The following ZPLD1 variants were observed in gnomAD, a reference collection of about 807,000 sequenced individuals.
The protein encoded by ZPLD1 is zona pellucida-like domain-containing protein 1.
In ZPLD1, 34 loss-of-function variants were observed where a neutral mutation model predicts 47.2. That is an observed-to-expected ratio of 0.72 (90% CI 0.55 to 0.96). The LOEUF is 0.96. Ranked by LOEUF, ZPLD1 falls within the 40% of genes least tolerant of loss-of-function variation. The pLI, the probability that ZPLD1 is intolerant of heterozygous loss-of-function variation, is 0.00. For missense variants in ZPLD1, 512 were observed against 505.8 expected (o/e 1.01, Z -0.12); for synonymous variants, 176 against 186.2 (o/e 0.95, Z 0.45).
At chr3:102,390,900 T>C (rs1706487510) in intron 6 of ZPLD1, among the ~76,000 whole-genome samples, 1 of 151,996 alleles carries the variant, frequency 6.6e-6, no homozygotes, top group Non-Finnish European at 1.5e-5. Flanking sequence ...CCTCAAATAA[T>C]TAGCATGTAA....
intron 3 of ZPLD1, among the ~76,000 whole-genome samples, chr3:102,452,699 G>A (rs1304389358): frequency 6.6e-6 from 1 of 152,136 alleles, no homozygotes; most frequent in African/African-American, 2.4e-5. Flanking sequence ...GAGGTGAACT[G>A]TAATCTCTAC....
At position 102,447,958 on chromosome 3, in the gene ZPLD1, A is replaced by G. The variant is rs144491784; in HGVS notation, c.107-4961A>G. 7.2e-5 allele frequency among the ~76,000 whole-genome samples: 11 copies of G among 152,280 alleles called. No homozygotes were observed. The East Asian group carries it at 1.9e-3, about 27-fold the overall frequency. ...ATTTATATAGTAACCACATTCTATG[A>G]ACCTCAAATCAGGACACATTTTATA... On this transcript the variant is annotated intron_variant, in intron 3 of 11. Transcript: ENST00000466937.
chr3:102,470,522 T>C lies in ZPLD1; in HGVS notation c.1042+20T>C. 6.2e-7 allele frequency: 1 copy of C among 1,601,894 alleles called. No homozygotes were observed. The highest frequency in any genetic ancestry group is 1.7e-4 in the Middle Eastern group (1 of 6,048). On this transcript the variant is annotated intron_variant, in intron 10 of 11. Transcript: ENST00000466937. The stretch of plus-strand genomic sequence containing the variant: ...GGAGTGGTAAGTGTGCTCCTCCTTC[T>C]GTATGTAGTAATAGACGGTTCCAAA...
chr3:102,398,872 GCGCA>G (rs1706586961), intron 7 of ZPLD1, among the ~76,000 whole-genome samples: 1 of 145,682 alleles, frequency 6.9e-6, no homozygotes, highest in Non-Finnish European at 1.5e-5. Flanking sequence ...TTTTATGCGT[GCGCA>G]CGCACACACA....
chr3:102,386,335 T>C lies in ZPLD1; in HGVS notation c.-213+1018T>C, dbSNP rs143787019. On this transcript the variant is annotated intron_variant, in intron 6 of 17. Transcript: ENST00000491959. ...TACAGGTGGCTCTGTTGTGTAGCCA[T>C]GTTTGAGAACTTTTCCTCCAGGAAT... 4.5e-3 allele frequency among the ~76,000 whole-genome samples: 684 copies of C among 151,368 alleles called. 6 individuals carry two copies. Among genetic ancestry groups the C allele is most frequent in the African/African-American group, 0.015 (609 of 41,282 alleles).
intron 3 of ZPLD1, among the ~76,000 whole-genome samples, chr3:102,445,264 C>A (rs1490155673): frequency 6.6e-6 from 1 of 152,134 alleles, no homozygotes; most frequent in African/African-American, 2.4e-5. Flanking sequence ...TTAGCCTTAC[C>A]GAGCATTTTA....
chr3:102,388,457 G>C (rs5027513), intron 6 of ZPLD1, among the ~76,000 whole-genome samples: 24,563 of 102,192 alleles, frequency 0.24, 2,367 homozygotes, highest in Middle Eastern at 0.33. Context: ...CTCTCTGTCT[G>C]TGTGTGTGTG....
chr3:102,459,244 C>T (rs569519057), intron 6 of ZPLD1, among the ~76,000 whole-genome samples: 3 of 151,834 alleles, frequency 2.0e-5, no homozygotes, highest in African/African-American at 7.2e-5. Context: ...TGGAAAATTC[C>T]CGTCTGTTAA....
intron 5 of ZPLD1, among the ~76,000 whole-genome samples, 171 bp downstream of exon 5, chr3:102,456,545 ATATCTATCTATCTATCTATCTATCTATC>A (rs3077584): frequency 6.8e-6 from 1 of 147,144 alleles, no homozygotes; most frequent in African/African-American, 2.5e-5. Context: ...TTTATCTATT[ATATCTATCTATCTATCTATCTATCTATC>A]TATCTATCTA....
intron 6 of ZPLD1, among the ~76,000 whole-genome samples, chr3:102,460,887 G>A (rs994093672): frequency 6.6e-6 from 1 of 151,864 alleles, no homozygotes; most frequent in African/African-American, 2.4e-5. Context: ...ATGAAGTGTA[G>A]ATTATTTGGA....
At chr3:102,471,113 T>TCAC (rs1707678412) in intron 10 of ZPLD1, among the ~76,000 whole-genome samples, 1 of 152,176 alleles carries the variant, frequency 6.6e-6, no homozygotes, top group Non-Finnish European at 1.5e-5. Flanking sequence ...TGGATCCGCT[T>TCAC]CACCGTCCTC....
rs575015494 is a variant in ZPLD1 at position 102,468,801 on chromosome 3, C to A, written c.762-163C>A. Among the ~76,000 whole-genome samples the A allele has an allele frequency of 3.2e-4, 49 of 152,292 alleles. 1 individual carries two copies. In the South Asian group the frequency reaches 9.3e-3, roughly 29 times the overall value. ...TGTGATCCAGGTTTTATTGTCATATCTGTTGAATTAGCTTATGCTATGATT... is the reference window on the plus strand; with the variant it reads ...TGTGATCCAGGTTTTATTGTCATATATGTTGAATTAGCTTATGCTATGATT... On this transcript the variant is annotated intron_variant, in intron 8 of 11. Coordinates refer to ENST00000466937, the MANE Select transcript of ZPLD1 (RefSeq NM_001329788.2).
intron 6 of ZPLD1, among the ~76,000 whole-genome samples, chr3:102,389,973 TAA>T (rs1457199434): frequency 6.6e-6 from 1 of 152,170 alleles, no homozygotes; most frequent in Non-Finnish European, 1.5e-5. Context: ...TGAAAAAATA[TAA>T]GTGTATTTTT....
chr3:102,461,995 T>A (rs1707513150), intron 6 of ZPLD1, among the ~76,000 whole-genome samples: 1 of 152,064 alleles, frequency 6.6e-6, no homozygotes, highest in Admixed American at 6.5e-5. Flanking sequence ...AACTGAATAT[T>A]AACTAGTGAC....
rs537180489 is a variant in ZPLD1 at position 102,479,554 on chromosome 3, C to T, written c.*1936C>T. On this transcript the variant is annotated 3_prime_UTR_variant, in exon 12 of 12. Transcript: ENST00000466937. The stretch of plus-strand genomic sequence containing the variant: ...TGGACACATGTCACTTGGGAAGCAA[C>T]GTAAGTATCACATTATTTTTTGCCA... 12 of 152,166 alleles carry T rather than the reference C, an allele frequency of 7.9e-5. No individual in the cohort carries two copies. Among genetic ancestry groups the T allele is most frequent in the East Asian group, 3.9e-4 (2 of 5,178 alleles). 9.4% of individuals were successfully genotyped at this position (152,166 alleles called of 1,614,324 possible). A position where few individuals can be genotyped will look rare whatever the true frequency, so the allele number is the denominator to read the frequency against.
At position 102,442,054 on chromosome 3, in the gene ZPLD1, C is replaced by T. The variant is rs371750420; in HGVS notation, c.106+3461C>T. 4.3e-4 allele frequency among the ~76,000 whole-genome samples: 66 copies of T among 152,226 alleles called. 2 individuals are homozygous for T. The South Asian group carries it at 0.013, about 31-fold the overall frequency. ...TCTCAGATCCTTGAGAAAGACATTCCTGGGTCACAAAGCTTACAAGAATCC... is the reference window on the plus strand; with the variant it reads ...TCTCAGATCCTTGAGAAAGACATTCTTGGGTCACAAAGCTTACAAGAATCC... On this transcript the variant is annotated intron_variant, in intron 3 of 11. Transcript: ENST00000466937.
At chr3:102,462,732 G>A (rs954309659) in intron 7 of ZPLD1, among the ~76,000 whole-genome samples, 1 of 151,906 alleles carries the variant, frequency 6.6e-6, no homozygotes, top group East Asian at 1.9e-4. Flanking sequence ...CCATATGTAT[G>A]TTACTCTTCA....
intron 10 of ZPLD1, among the ~76,000 whole-genome samples, chr3:102,473,515 A>G (rs1384376954): frequency 6.6e-6 from 1 of 152,154 alleles, no homozygotes; most frequent in Non-Finnish European, 1.5e-5. Context: ...CTCCACCAGC[A>G]GAGCCCCCAG....
intron 7 of ZPLD1, 44 bp downstream of exon 7, chr3:102,462,422 T>G (rs1707522957): frequency 7.4e-7 from 1 of 1,355,074 alleles, no homozygotes; most frequent in South Asian, 1.2e-5. Context: ...ACTCTTTGAC[T>G]GCCTAAATCC....
Sources: gnomAD v4.1 joint callset for allele counts (sites outside exome capture counted in the v4.1 genomes callset) on GRCh38, gnomAD v4.1.1 for gene constraint, MANE v1.5 for transcripts, NCBI Gene and HGNC (gene_info 2026-07-23, HGNC 2026-07-21) for gene names.